CXorf58: variants seen among roughly 807,000 people sequenced by gnomAD.
CXorf58 encodes chromosome X open reading frame 58.
A neutral mutation model predicts 26.0 loss-of-function variants in CXorf58; 24 were observed. The ratio of observed to expected loss-of-function variants is 0.92; its 90% CI spans 0.67 to 1.30. The LOEUF (loss-of-function observed/expected upper bound fraction) is 1.30. Among genes scored for constraint, CXorf58 ranks in the 50% most tolerant of loss-of-function variants. The pLI is 0.00. For missense variants in CXorf58, 236 were observed against 263.9 expected (o/e 0.89, Z 0.73); for synonymous variants, 87 against 86.1 (o/e 1.01, Z -0.06).
chrX:23,924,325 T>G (rs189403782), intron 5 of CXorf58, among the ~76,000 whole-genome samples: 8,028 of 107,730 alleles, frequency 0.075, 641 homozygotes, highest in African/African-American at 0.24. Context: ...TTTATTTATT[T>G]ATTTATTTAT....
intron 8 of CXorf58, 51 bp downstream of exon 8, chrX:23,938,751 C>G: frequency 1.1e-6 from 1 of 887,437 alleles, no homozygotes; most frequent in Non-Finnish European, 1.5e-6. Flanking sequence ...TTCAAACTGT[C>G]TGTAAAGTAG....
intron 6 of CXorf58, among the ~76,000 whole-genome samples, chrX:23,930,926 A>AT (rs113310360): frequency 2.1e-4 from 23 of 110,176 alleles, no homozygotes; most frequent in East Asian, 1.4e-3. Flanking sequence ...AAGTATGTAC[A>AT]TTTTTTTTTA....
Position 23,935,179 on chromosome X carries a change from T to C in CXorf58, c.556-17T>C. 8.5e-7 allele frequency: 1 copy of C among 1,182,585 alleles called. No homozygotes were observed. The highest frequency in any genetic ancestry group is 1.7e-5 in the African/African-American group (1 of 57,174). ...CCGCACCTGGCCAACTTAATCGTTC[T>C]TGTTTTTTCCCTACAGTATCGCAGT... is the stretch of plus-strand genomic sequence containing the variant. On this transcript the variant is annotated splice_polypyrimidine_tract_variant and intron_variant, in intron 6 of 8. Transcript: ENST00000379211.
At position 23,922,882 on chromosome X, in the gene CXorf58, G is replaced by A. The variant is rs759200297; in HGVS notation, c.424-4357G>A. On this transcript the variant is annotated intron_variant, in intron 5 of 8. Transcript: ENST00000379211. ...TTTACAAGCCCAAGTGTGGATCTAG[G>A]CCAGCAAATAGCCACAGAGCTGTGG... 1.8e-4 allele frequency among the ~76,000 whole-genome samples: 20 copies of A among 111,877 alleles called. No individual in the cohort carries two copies. The South Asian group carries it at 3.4e-3, about 19-fold the overall frequency.
intron 5 of CXorf58, among the ~76,000 whole-genome samples, chrX:23,921,236 A>G (rs570427421): frequency 9.0e-6 from 1 of 111,655 alleles, no homozygotes. Context: ...AAAACCCATC[A>G]TAATGCTGTA....
intron 5 of CXorf58, among the ~76,000 whole-genome samples, chrX:23,918,477 C>T (rs1927785289): frequency 8.9e-6 from 1 of 111,875 alleles, no homozygotes; most frequent in South Asian, 3.7e-4. Flanking sequence ...ACTTTAACTT[C>T]ATCTCCCCAC....
intron 5 of CXorf58, 118 bp downstream of exon 5, chrX:23,916,446 A>G (rs1482890057): frequency 1.3e-5 from 4 of 314,032 alleles, no homozygotes; most frequent in Non-Finnish European, 1.6e-5. Flanking sequence ...CCCACCAGGT[A>G]GGTAGTGTGT....
At chrX:23,912,132 T>G (rs1254037162) in intron 3 of CXorf58, among the ~76,000 whole-genome samples, 4 of 110,627 alleles carry the variant, frequency 3.6e-5, no homozygotes, top group African/African-American at 1.3e-4. Context: ...TTTGTATTTT[T>G]AGTAGCGATG....
intron 5 of CXorf58, among the ~76,000 whole-genome samples, chrX:23,918,366 C>T (rs1298523705): frequency 9.0e-6 from 1 of 111,323 alleles, no homozygotes; most frequent in Non-Finnish European, 1.9e-5. Context: ...CAAACAATAT[C>T]TTATAACCCA....
At chrX:23,923,883 C>A (rs1927933496) in intron 5 of CXorf58, among the ~76,000 whole-genome samples, 2 of 109,293 alleles carry the variant, frequency 1.8e-5, no homozygotes, top group East Asian at 5.9e-4. Flanking sequence ...GCCTGGCCAA[C>A]ATAGTGAAAC....
At chrX:23,914,416 A>G (rs1569251373) in intron 3 of CXorf58, among the ~76,000 whole-genome samples, 1 of 111,873 alleles carries the variant, frequency 8.9e-6, no homozygotes, top group Non-Finnish European at 1.9e-5. Flanking sequence ...TTTTTATGTG[A>G]TTATCATAGG....
Position 23,926,935 on chromosome X carries a change from C to G in CXorf58, c.424-304C>G, listed in dbSNP as rs1174149188. 1.2e-4 allele frequency among the ~76,000 whole-genome samples: 13 copies of G among 111,457 alleles called. No homozygotes were observed. In the Admixed American group the frequency reaches 1.2e-3, roughly 11 times the overall value. On this transcript the variant is annotated intron_variant, in intron 5 of 8. Transcript: ENST00000379211. ...TCAGGAGGCTGAGGCAGGAGAATCG[C>G]TTGAACCCAGGAGGTGGAGGTTGCA... is the stretch of plus-strand genomic sequence containing the variant.
intron 5 of CXorf58, among the ~76,000 whole-genome samples, chrX:23,923,063 C>G (rs1195941872): frequency 4.4e-5 from 5 of 112,415 alleles, no homozygotes; most frequent in Non-Finnish European, 9.4e-5. Context: ...AGTTTTTGCC[C>G]TTGCTTTTCT....
In CXorf58 at chrX:23,920,560, C is replaced by G. The variant is rs1350003798; in HGVS notation, c.423+4232C>G. Among the ~76,000 whole-genome samples, 3 of 111,401 alleles carry G rather than the reference C, an allele frequency of 2.7e-5. No homozygotes were observed. In the East Asian group the frequency reaches 8.4e-4, roughly 31 times the overall value. On this transcript the variant is annotated intron_variant, in intron 5 of 8. Transcript: ENST00000379211. ...AAGGGACCACTTTTCTCCATGTTCT[C>G]AGGTAGTATCAGAGAAAATTTAACT...
chrX:23,933,992 C>T (rs1180460826), intron 6 of CXorf58, among the ~76,000 whole-genome samples: 2 of 108,910 alleles, frequency 1.8e-5, no homozygotes, highest in South Asian at 4.0e-4. Flanking sequence ...GATCATGTCA[C>T]TGCCCTCCAG....
At chrX:23,938,219 G>C (rs749521531) in intron 7 of CXorf58, among the ~76,000 whole-genome samples, 5 of 111,303 alleles carry the variant, frequency 4.5e-5, no homozygotes, top group Non-Finnish European at 7.5e-5. Flanking sequence ...TTAGTATATG[G>C]TGTAAAAAAA....
chrX:23,938,729 T>C, intron 8 of CXorf58, 29 bp downstream of exon 8: 1 of 1,030,611 alleles, frequency 9.7e-7, no homozygotes, highest in Middle Eastern at 3.3e-4. Context: ...GAATTCATTG[T>C]TTTGGACAAT....
chrX:23,911,953 C>CTTTTTTTT lies in CXorf58; in HGVS notation c.216+106_216+113dup, dbSNP rs746350773. 7.4e-5 allele frequency: 33 copies of CTTTTTTTT among 443,876 alleles called. No homozygotes were observed. In the East Asian group the frequency reaches 9.2e-4, roughly 12 times the overall value. 36.6% of individuals were successfully genotyped at this position (443,876 alleles called of 1,213,427 possible). A position where few individuals can be genotyped will look rare whatever the true frequency, so the allele number is the denominator to read the frequency against. ...GAATAGATAACCTTCTTTATCTCCT[C>CTTTTTTTT]TTTTTTTTTTTTTTTTGAGAGGGAG... On this transcript the variant is annotated intron_variant, in intron 3 of 8. Transcript: ENST00000379211.
chrX:23,939,204 AT>A (rs1223249269), intron 8 of CXorf58, 39 bp from the exon 9 acceptor site: 1 of 990,667 alleles, frequency 1.0e-6, no homozygotes, highest in Non-Finnish European at 1.4e-6. Context: ...TAAAAACCAA[AT>A]ATATAACACT....
Sources: gnomAD v4.1 joint callset for allele counts (sites outside exome capture counted in the v4.1 genomes callset) on GRCh38, gnomAD v4.1.1 for gene constraint, MANE v1.5 for transcripts, NCBI Gene and HGNC (gene_info 2026-07-23, HGNC 2026-07-21) for gene names.